DPYSL3: variants seen among roughly 807,000 people sequenced by gnomAD.
DPYSL3 encodes dihydropyrimidinase-related protein 3.
Under a neutral mutation model 66.1 loss-of-function variants are expected in DPYSL3, and 16 were observed. The ratio of observed to expected loss-of-function variants is 0.24; its 90% confidence interval spans 0.16 to 0.37. The LOEUF (loss-of-function observed/expected upper bound fraction) is 0.37, where lower values mean the gene tolerates loss of function less well. Among genes scored for constraint, DPYSL3 ranks in the 10% least tolerant of loss-of-function variants. The pLI is 1.00. For missense variants in DPYSL3, 738 were observed against 916.2 expected (o/e 0.81, Z 2.51); for synonymous variants, 338 against 345.1 (o/e 0.98, Z 0.23).
At chr5:147,417,226 C>G (rs1216149139) in intron 3 of DPYSL3, among the ~76,000 whole-genome samples, 1 of 152,186 alleles carries the variant, frequency 6.6e-6, no homozygotes, top group East Asian at 1.9e-4. Context: ...CAACTCCTTG[C>G]CCAGATGGCA....
intron 1 of DPYSL3, chr5:147,453,748 G>T (rs1308795389): frequency 1.5e-6 from 2 of 1,299,068 alleles, no homozygotes; most frequent in Non-Finnish European, 2.0e-6. Context: ...CCGGGCTCCC[G>T]CGGCGGCTGC....
chr5:147,439,655 G>A (rs1156692604), intron 1 of DPYSL3, among the ~76,000 whole-genome samples: 1 of 152,198 alleles, frequency 6.6e-6, no homozygotes, highest in Non-Finnish European at 1.5e-5. Context: ...TAGGCAAAGT[G>A]AAACCACAGA....
At chr5:147,453,520 A>T in intron 1 of DPYSL3, 1 of 1,521,180 alleles carries the variant, frequency 6.6e-7, no homozygotes, top group Non-Finnish European at 8.8e-7. Flanking sequence ...GCGAGCGAGG[A>T]GGGAGGGAGC....
At chr5:147,400,484 C>A (rs1034615961) in intron 10 of DPYSL3, among the ~76,000 whole-genome samples, 1 of 152,244 alleles carries the variant, frequency 6.6e-6, no homozygotes, top group African/African-American at 2.4e-5. Context: ...GATAAGGAAG[C>A]CTCCTTCAGA....
chr5:147,510,017 G>C lies in DPYSL3; in HGVS notation c.-159C>G, dbSNP rs976125301. ...CTGCTCCGATTCCTGCTTGTCCCTA[G>C]CGAGCCAGCGAGCCACACAGCCAGC... On this transcript the variant is annotated 5_prime_UTR_variant, in exon 1 of 14. Coordinates refer to ENST00000343218, the MANE Select transcript of DPYSL3 (RefSeq NM_001197294.2). The C allele has an allele frequency of 1.0e-5, 12 of 1,202,662 alleles. No individual in the cohort carries two copies. In the South Asian group the frequency reaches 2.0e-4, roughly 20 times the overall value. The allele number at this position is 1,202,662 out of a possible 1,614,324, so 74.5% of individuals were successfully genotyped here.
chr5:147,479,375 T>G (rs1290178812), intron 1 of DPYSL3, among the ~76,000 whole-genome samples: 1 of 152,164 alleles, frequency 6.6e-6, no homozygotes, highest in Non-Finnish European at 1.5e-5. Context: ...TGGCTGTATA[T>G]TCTAAGAGAT....
rs918619694 is a variant in DPYSL3, at chr5:147,392,287, T to C, written c.*1748A>G. The C allele has an allele frequency of 2.6e-5, 4 of 152,228 alleles. No homozygotes were observed. The highest frequency in any genetic ancestry group is 9.7e-5 in the African/African-American group (4 of 41,446). The allele number at this position is 152,228 out of a possible 1,614,324, so 9.4% of individuals were successfully genotyped here. A position where few individuals can be genotyped will look rare whatever the true frequency, so the allele number is the denominator to read the frequency against. ...TCCCTATTCTAAGGGGAAATAGTCTTTTTTCATGATTTGAACAGAAGGTAG... is the reference window on the plus strand; with the variant it reads ...TCCCTATTCTAAGGGGAAATAGTCTCTTTTCATGATTTGAACAGAAGGTAG... On this transcript the variant is annotated 3_prime_UTR_variant, in exon 14 of 14. Coordinates refer to ENST00000343218, the MANE Select transcript of DPYSL3 (RefSeq NM_001197294.2).
chr5:147,411,691 G>A (rs1397396091), intron 6 of DPYSL3, among the ~76,000 whole-genome samples: 2 of 152,192 alleles, frequency 1.3e-5, no homozygotes, highest in Non-Finnish European at 2.9e-5. Flanking sequence ...GGTCCGAGAT[G>A]AGGGGAGGCC....
At position 147,497,936 on chromosome 5, in the gene DPYSL3, C is replaced by T. The variant is rs551517108; in HGVS notation, c.381+11542G>A. Among the ~76,000 whole-genome samples, 4 of 150,610 alleles carry T rather than the reference C, an allele frequency of 2.7e-5. No individual in the cohort carries two copies. In the South Asian group the frequency reaches 6.3e-4, roughly 24 times the overall value. Reference sequence around the variant, plus strand: ...TCTCTTTCTCTCTCTCTCTCTTTCTCTTTCTTTCTTTCTTTTTAATTTAAG... The same window carrying T: ...TCTCTTTCTCTCTCTCTCTCTTTCTTTTTCTTTCTTTCTTTTTAATTTAAG... On this transcript the variant is annotated intron_variant, in intron 1 of 13. Transcript: ENST00000343218.
At chr5:147,480,694 A>AATATATAT (rs1253015682) in intron 1 of DPYSL3, among the ~76,000 whole-genome samples, 1 of 138,770 alleles carries the variant, frequency 7.2e-6, no homozygotes, top group African/African-American at 2.7e-5. Flanking sequence ...ACACATCATG[A>AATATATAT]ATATATATAT....
chr5:147,398,560 G>A lies in DPYSL3; in HGVS notation c.1623+522C>T, dbSNP rs73794713. ...TATTTTTAACAACAGTGTCGAGCCC[G>A]TTTCTGTTAGGTACTGCACTTTAAT... On this transcript the variant is annotated intron_variant, in intron 11 of 13. Transcript: ENST00000343218. 9.3e-3 allele frequency among the ~76,000 whole-genome samples: 1,410 copies of A among 152,258 alleles called. 26 individuals carry two copies. The highest frequency in any genetic ancestry group is 0.032 in the African/African-American group (1,345 of 41,538).
At chr5:147,481,763 C>A (rs1240156368) in intron 1 of DPYSL3, among the ~76,000 whole-genome samples, 1 of 152,210 alleles carries the variant, frequency 6.6e-6, no homozygotes, top group Non-Finnish European at 1.5e-5. Flanking sequence ...TGCCTTCTAC[C>A]ATAGTATGAC....
chr5:147,394,131 T>G lies in DPYSL3; in HGVS notation c.1967-8A>C. ...CCTCATCCACTTGGGTGCCTACAGT[T>G]GGAAATAAATTCCCAGGGGGAAAAA... On this transcript the variant is annotated splice_polypyrimidine_tract_variant and splice_region_variant and intron_variant, in intron 13 of 13. Coordinates refer to ENST00000343218, the MANE Select transcript of DPYSL3 (RefSeq NM_001197294.2). The G allele has an allele frequency of 6.2e-7, 1 of 1,613,060 alleles. No homozygotes were observed. Among genetic ancestry groups the G allele is most frequent in the Non-Finnish European group, 8.5e-7 (1 of 1,179,810 alleles).
chr5:147,472,167 A>C (rs2126424558), intron 1 of DPYSL3, among the ~76,000 whole-genome samples: 1 of 152,308 alleles, frequency 6.6e-6, no homozygotes, highest in African/African-American at 2.4e-5. Context: ...ACCATCCATT[A>C]CACACTGCCT....
chr5:147,443,610 G>T (rs1752575588), intron 1 of DPYSL3, among the ~76,000 whole-genome samples: 3 of 150,716 alleles, frequency 2.0e-5, no homozygotes, highest in African/African-American at 7.3e-5. Flanking sequence ...TTTTTTTAAG[G>T]AGAGATAAAG....
chr5:147,506,134 G>T lies in DPYSL3; in HGVS notation c.381+3344C>A, dbSNP rs371824713. On this transcript the variant is annotated intron_variant, in intron 1 of 13. Transcript: ENST00000343218. ...AGGTGATACTATCAAATCAACAAATGGTACAAAGCTGGCAGTAGGAGTGCT... is the reference window on the plus strand; with the variant it reads ...AGGTGATACTATCAAATCAACAAATTGTACAAAGCTGGCAGTAGGAGTGCT... 2.6e-5 allele frequency among the ~76,000 whole-genome samples: 4 copies of T among 152,234 alleles called. No homozygotes were observed. In the South Asian group the frequency reaches 8.3e-4, roughly 32 times the overall value.
intron 1 of DPYSL3, among the ~76,000 whole-genome samples, chr5:147,440,447 T>A (rs1268276632): frequency 6.6e-6 from 1 of 152,254 alleles, no homozygotes; most frequent in East Asian, 1.9e-4. Flanking sequence ...CTTCCAAGTC[T>A]CCTCATGTTA....
At chr5:147,494,786 G>A (rs1188235539) in intron 1 of DPYSL3, among the ~76,000 whole-genome samples, 1 of 150,876 alleles carries the variant, frequency 6.6e-6, no homozygotes, top group Non-Finnish European at 1.5e-5. Flanking sequence ...GGCTGAGGCA[G>A]GAGAATGGCA....
At chr5:147,491,076 A>T (rs1240314386) in intron 1 of DPYSL3, among the ~76,000 whole-genome samples, 1 of 152,232 alleles carries the variant, frequency 6.6e-6, no homozygotes, top group African/African-American at 2.4e-5. Flanking sequence ...CTAAGCTGCT[A>T]GAGTTTTGTC....
Sources: allele counts gnomAD v4.1 joint callset (sites outside exome capture counted in the v4.1 genomes callset), GRCh38; gene constraint gnomAD v4.1.1; transcripts MANE v1.5; gene names NCBI Gene and HGNC (gene_info 2026-07-23, HGNC 2026-07-21).